Variants in POLR3F observed in about 807,000 individuals in gnomAD.
POLR3F encodes RNA polymerase III subunit F, also known as DNA-directed RNA polymerase III subunit RPC6.
Under a neutral mutation model 43.6 loss-of-function variants are expected in POLR3F, and 31 were observed. The ratio of observed to expected loss-of-function variants is 0.71; its 90% CI spans 0.53 to 0.96. The LOEUF (loss-of-function observed/expected upper bound fraction) is 0.96. Among genes scored for constraint, POLR3F ranks in the 40% least tolerant of loss-of-function variants. POLR3F has a pLI of 0.00. For missense variants in POLR3F, 316 were observed against 391.7 expected (o/e 0.81, Z 1.63); for synonymous variants, 114 against 132.5 (o/e 0.86, Z 0.96).
intron 2 of POLR3F, among the ~76,000 whole-genome samples, chr20:18,471,717 T>C (rs1432240544): frequency 1.3e-5 from 2 of 152,196 alleles, no homozygotes; most frequent in Non-Finnish European, 2.9e-5. Context: ...GCACAGTGGC[T>C]CCTGCCAGTA....
At chr20:18,476,047 T>G (rs1451841647) in intron 5 of POLR3F, among the ~76,000 whole-genome samples, 2 of 152,240 alleles carry the variant, frequency 1.3e-5, no homozygotes, top group Non-Finnish European at 2.9e-5. Flanking sequence ...TCAGTCCTCC[T>G]TCTACATCTT....
chr20:18,469,811 T>C (rs1204826819), intron 2 of POLR3F, among the ~76,000 whole-genome samples: 1 of 152,258 alleles, frequency 6.6e-6, no homozygotes, highest in Non-Finnish European at 1.5e-5. Flanking sequence ...TCTCACCTTC[T>C]GTTTGCTTCC....
rs2059822139 is a variant in POLR3F, at chr20:18,483,554, T to C, written c.947T>C (p.Phe316Ser). ...NCIYMTEWLEF is the reference protein window; with the variant it reads ...NCIYMTEWLES The stretch of plus-strand genomic sequence containing the variant: ...ATTTACATGACAGAGTGGCTCGAAT[T>C]TTAATAGAGAGCTATGAACTTTATT... The change falls in exon 9 of 9, where the codon TTT (phenylalanine) becomes TCT (serine). Residue 316 changes from phenylalanine to serine, a missense_variant. Physicochemically the swap from Phe to Ser is radical, Grantham distance 155. This residue lies in a region of POLR3F where 85 missense variants were observed against 80.2 expected (regional missense o/e 1.06). Transcript: ENST00000377603. The C allele has an allele frequency of 7.1e-7, 1 of 1,415,446 alleles. No individual in the cohort carries two copies. The highest frequency in any genetic ancestry group is 9.8e-7 in the Non-Finnish European group (1 of 1,024,780). The allele number at this position is 1,415,446 out of a possible 1,614,324, so 87.7% of individuals were successfully genotyped here.
intron 3 of POLR3F, 73 bp from the exon 4 acceptor site, chr20:18,473,317 GT>G: frequency 1.5e-6 from 1 of 666,746 alleles, no homozygotes; most frequent in South Asian, 1.8e-5. Flanking sequence ...TGCTAATTTT[GT>G]TTAAGTAGTG....
chr20:18,473,948 G>A (rs1441226344), intron 4 of POLR3F, among the ~76,000 whole-genome samples: 1 of 152,034 alleles, frequency 6.6e-6, no homozygotes, highest in Non-Finnish European at 1.5e-5. Context: ...CCCGCTTGAA[G>A]AACTGTATCT....
chr20:18,474,517 A>ATTTTTTTTTTTTTTTTTTTTTTT, intron 4 of POLR3F, among the ~76,000 whole-genome samples: 1 of 150,636 alleles, frequency 6.6e-6, no homozygotes, highest in Non-Finnish European at 1.5e-5. Context: ...CGTTTTCATA[A>ATTTTTTTTTTTTTTTTTTTTTTT]TTTTTTTTTT....
intron 6 of POLR3F, 52 bp downstream of exon 6, chr20:18,480,233 TC>T: frequency 6.7e-7 from 1 of 1,501,314 alleles, no homozygotes; most frequent in Non-Finnish European, 9.1e-7. Context: ...AAAAAGTTTT[TC>T]ACAAAGGATT....
At chr20:18,477,075 A>C (rs2059784202) in intron 5 of POLR3F, among the ~76,000 whole-genome samples, 1 of 146,818 alleles carries the variant, frequency 6.8e-6, no homozygotes, top group Non-Finnish European at 1.5e-5. Context: ...CTCCATCTCA[A>C]AAAAAGAAAA....
intron 2 of POLR3F, among the ~76,000 whole-genome samples, chr20:18,472,147 AAAAC>A (rs1486381147): frequency 6.6e-6 from 1 of 152,206 alleles, no homozygotes; most frequent in Non-Finnish European, 1.5e-5. Context: ...TTGCTATATA[AAAAC>A]AATACTACTC....
chr20:18,470,991 C>T (rs1317154809), intron 2 of POLR3F, among the ~76,000 whole-genome samples: 2 of 152,180 alleles, frequency 1.3e-5, no homozygotes, highest in East Asian at 3.8e-4. Flanking sequence ...CTCCATCTGT[C>T]TCAGAGAAGC....
intron 2 of POLR3F, among the ~76,000 whole-genome samples, chr20:18,471,834 C>T (rs926188314): frequency 2.6e-5 from 4 of 152,176 alleles, no homozygotes; most frequent in Admixed American, 2.0e-4. Flanking sequence ...ATACAAATAT[C>T]AGCGTGGCAT....
Position 18,483,488 on chromosome 20 carries a change from A to G in POLR3F, c.881A>G (p.Asp294Gly), listed in dbSNP as rs2059821536. Residue 294 changes from aspartate to glycine, a missense_variant, in exon 9 of 9, where the codon GAT (aspartate) becomes GGT (glycine). Physicochemically the swap from Asp to Gly is moderately conservative, Grantham distance 94. Around this residue, in one of 3 missense-constraint regions of POLR3F, gnomAD observed 85 missense variants for 80.2 expected, o/e 1.06. Coordinates refer to ENST00000377603, the MANE Select transcript of POLR3F (RefSeq NM_006466.4). ...TTTTTTTCTTTTTTAAAGGTTTTTG[A>G]TGACTGCCACGAAGGTGGTGAGATT... Reference protein sequence around the residue: ...RAPCGLCPVFDDCHEGGEISP... With the variant: ...RAPCGLCPVFGDCHEGGEISP... 1.3e-6 allele frequency: 2 copies of G among 1,500,064 alleles called. No homozygotes were observed. Among genetic ancestry groups the G allele is most frequent in the African/African-American group, 1.4e-5 (1 of 71,682 alleles). The allele number at this position is 1,500,064 out of a possible 1,614,324, so 92.9% of individuals were successfully genotyped here.
At chr20:18,477,723 T>C (rs1234810249) in intron 5 of POLR3F, among the ~76,000 whole-genome samples, 5 of 152,136 alleles carry the variant, frequency 3.3e-5, no homozygotes, top group African/African-American at 1.2e-4. Flanking sequence ...TATGACATAC[T>C]GGAAAAGGCA....
At chr20:18,476,965 T>C (rs1259935823) in intron 5 of POLR3F, among the ~76,000 whole-genome samples, 2 of 151,674 alleles carry the variant, frequency 1.3e-5, no homozygotes, top group Non-Finnish European at 2.9e-5. Flanking sequence ...TCCCAGCTAC[T>C]TGGGAGGCTG....
intron 2 of POLR3F, among the ~76,000 whole-genome samples, chr20:18,470,855 C>T (rs1269047365): frequency 1.3e-5 from 2 of 152,140 alleles, no homozygotes; most frequent in Non-Finnish European, 2.9e-5. Flanking sequence ...CTGATTTTAG[C>T]TCTTAAAAAC....
At chr20:18,475,373 C>T (rs1601255285) in intron 5 of POLR3F, among the ~76,000 whole-genome samples, 186 bp downstream of exon 5, 2 of 152,348 alleles carry the variant, frequency 1.3e-5, no homozygotes, top group East Asian at 3.9e-4. Flanking sequence ...CACTCACCCA[C>T]TCAAAAATCT....
chr20:18,478,029 G>A (rs1009356852), intron 5 of POLR3F, among the ~76,000 whole-genome samples: 4 of 152,050 alleles, frequency 2.6e-5, no homozygotes, highest in Admixed American at 6.6e-5. Flanking sequence ...CTAATCATGC[G>A]GTTGGTCTTT....
intron 3 of POLR3F, 48 bp from the exon 4 acceptor site, chr20:18,473,343 A>T: frequency 1.3e-6 from 1 of 791,268 alleles, no homozygotes; most frequent in Non-Finnish European, 2.2e-6. Flanking sequence ...AGATTATTAG[A>T]TTATCCTATA....
intron 7 of POLR3F, 78 bp from the exon 8 acceptor site, chr20:18,481,541 C>T (rs933283289): frequency 2.0e-6 from 2 of 993,822 alleles, no homozygotes; most frequent in Non-Finnish European, 3.2e-6. Context: ...GCCCAGCAAC[C>T]CTTTACTGTT....
Sources: allele counts gnomAD v4.1 joint callset (sites outside exome capture counted in the v4.1 genomes callset), GRCh38; gene constraint gnomAD v4.1.1; regional missense constraint gnomAD v4.1.1; transcripts MANE v1.5; gene names NCBI Gene and HGNC (gene_info 2026-07-23, HGNC 2026-07-21).